The following EXT1 variants were observed in gnomAD, a reference collection of about 807,000 sequenced individuals.
EXT1 encodes exostosin glycosyltransferase 1.
Under a neutral mutation model 82.5 loss-of-function variants are expected in EXT1, and 20 were observed. That is an observed-to-expected ratio of 0.24 (90% CI 0.17 to 0.35). The LOEUF is 0.35. EXT1 is among the 10% of genes least tolerant of loss of function. The pLI, the probability that EXT1 is intolerant of heterozygous loss-of-function variation, is 1.00. For synonymous variants in EXT1, 348 were observed against 350.8 expected, an observed-to-expected ratio of 0.99 and a Z score of 0.09; for missense variants, 757 against 936.5, an observed-to-expected ratio of 0.81 and a Z score of 2.50.
chr8:118,057,671 T>TA (rs11417159), intron 1 of EXT1, among the ~76,000 whole-genome samples: 9,780 of 150,284 alleles, frequency 0.065, 801 homozygotes, highest in African/African-American at 0.19. Context: ...CTGGTCTCTT[T>TA]AAAAAAAAAA....
At chr8:117,987,500 C>G (rs1815345927) in intron 1 of EXT1, among the ~76,000 whole-genome samples, 1 of 152,226 alleles carries the variant, frequency 6.6e-6, no homozygotes, top group South Asian at 2.1e-4. Context: ...CAGCCTAGCA[C>G]AGCAGGTAAA....
At chr8:117,979,129 C>T (rs939366742) in intron 1 of EXT1, among the ~76,000 whole-genome samples, 2 of 152,028 alleles carry the variant, frequency 1.3e-5, no homozygotes, top group Non-Finnish European at 1.5e-5. Context: ...CCGAGGCAGA[C>T]AGATCATGAG....
chr8:117,869,733 G>C (rs1261483557), intron 1 of EXT1, among the ~76,000 whole-genome samples: 3 of 151,946 alleles, frequency 2.0e-5, no homozygotes, highest in Non-Finnish European at 4.4e-5. Context: ...CATTTTAATG[G>C]ATTCTACTTG....
intron 1 of EXT1, among the ~76,000 whole-genome samples, chr8:118,055,218 T>C (rs1247658200): frequency 6.6e-6 from 1 of 152,222 alleles, no homozygotes; most frequent in Non-Finnish European, 1.5e-5. Context: ...CTCCTAGAAG[T>C]CTGTATAAAT....
chr8:117,935,473 G>T (rs746061774), intron 1 of EXT1, among the ~76,000 whole-genome samples: 1 of 151,786 alleles, frequency 6.6e-6, no homozygotes, highest in South Asian at 2.1e-4. Flanking sequence ...GCACCAACAC[G>T]CCTGGTACAC....
intron 10 of EXT1, among the ~76,000 whole-genome samples, chr8:117,802,721 C>T (rs1823186345): frequency 6.6e-6 from 1 of 152,122 alleles, no homozygotes; most frequent in Non-Finnish European, 1.5e-5. Context: ...ATAGACAATA[C>T]ATCTTGCTTG....
At chr8:117,922,016 A>G (rs1813866355) in intron 1 of EXT1, among the ~76,000 whole-genome samples, 1 of 152,058 alleles carries the variant, frequency 6.6e-6, no homozygotes, top group Non-Finnish European at 1.5e-5. Flanking sequence ...TTACAGCTTT[A>G]AAAGTTTCAC....
chr8:118,069,889 T>C (rs1163603709), intron 1 of EXT1, among the ~76,000 whole-genome samples: 1 of 152,202 alleles, frequency 6.6e-6, no homozygotes, highest in African/African-American at 2.4e-5. Flanking sequence ...ATCCAGGCCA[T>C]AAGAATTTCA....
intron 1 of EXT1, among the ~76,000 whole-genome samples, chr8:117,960,756 C>T (rs1196270562): frequency 3.3e-5 from 5 of 152,162 alleles, no homozygotes; most frequent in African/African-American, 1.2e-4. Context: ...ACGGAGCCAA[C>T]AAAGGATGTT....
Position 118,111,112 on chromosome 8 carries a change from C to G in EXT1, c.-66G>C. 6.5e-7 allele frequency: 1 copy of G among 1,535,972 alleles called. No individual in the cohort carries two copies. The highest frequency in any genetic ancestry group is 8.7e-7 in the Non-Finnish European group (1 of 1,146,636). ...AATCACCCAAGTTTCCCAATCAACA[C>G]TTTCAGCTCCAGTCCGCCATCTTCC... On this transcript the variant is annotated 5_prime_UTR_variant, in exon 1 of 11. Coordinates refer to ENST00000378204, the MANE Select transcript of EXT1 (RefSeq NM_000127.3).
At chr8:117,929,056 G>T (rs1814002571) in intron 1 of EXT1, among the ~76,000 whole-genome samples, 1 of 152,112 alleles carries the variant, frequency 6.6e-6, no homozygotes, top group Non-Finnish European at 1.5e-5. Context: ...TTCTTCAATT[G>T]GGGTGATAAT....
chr8:117,801,689 A>G (rs774782300), intron 10 of EXT1, among the ~76,000 whole-genome samples: 13 of 152,134 alleles, frequency 8.5e-5, no homozygotes, highest in Non-Finnish European at 1.5e-4. Context: ...TATTTTTAGT[A>G]GAGATGGGGT....
chr8:117,959,483 A>G (rs1814655259), intron 1 of EXT1, among the ~76,000 whole-genome samples: 1 of 152,222 alleles, frequency 6.6e-6, no homozygotes, highest in Non-Finnish European at 1.5e-5. Flanking sequence ...AAGGAAGAGG[A>G]CAATGTAACT....
chr8:117,903,579 G>T (rs1813489141), intron 1 of EXT1, among the ~76,000 whole-genome samples: 1 of 152,166 alleles, frequency 6.6e-6, no homozygotes. Flanking sequence ...GAATTAATAT[G>T]GCATTCCAGA....
At chr8:117,920,466 G>A (rs1813835027) in intron 1 of EXT1, among the ~76,000 whole-genome samples, 1 of 152,078 alleles carries the variant, frequency 6.6e-6, no homozygotes, top group Non-Finnish European at 1.5e-5. Context: ...TTACCAATAA[G>A]TAAAACATTC....
At chr8:117,885,494 C>A (rs1030690917) in intron 1 of EXT1, among the ~76,000 whole-genome samples, 1,049 of 102,710 alleles carry the variant, frequency 0.01, no homozygotes, top group Middle Eastern at 0.022. Flanking sequence ...AAGTAACAGA[C>A]AAAAAAAAAA....
At chr8:118,054,744 C>T (rs990443793) in intron 1 of EXT1, among the ~76,000 whole-genome samples, 4 of 152,138 alleles carry the variant, frequency 2.6e-5, no homozygotes, top group Non-Finnish European at 5.9e-5. Flanking sequence ...GTCCCACTAC[C>T]AGGCACAGTT....
At chr8:117,834,078 C>T (rs1184107601) in intron 3 of EXT1, among the ~76,000 whole-genome samples, 1 of 152,132 alleles carries the variant, frequency 6.6e-6, no homozygotes, top group African/African-American at 2.4e-5. Context: ...AACTTATTCC[C>T]CCAAAAACAG....
At chr8:117,819,611 G>A (rs1811888059) in intron 6 of EXT1, 65 bp downstream of exon 6, 2 of 1,380,382 alleles carry the variant, frequency 1.4e-6, no homozygotes, top group African/African-American at 2.8e-5. Flanking sequence ...TAACAGGTAA[G>A]GAGGGCGGAG....
Sources: allele counts gnomAD v4.1 joint callset (sites outside exome capture counted in the v4.1 genomes callset), GRCh38; gene constraint gnomAD v4.1.1; transcripts MANE v1.5; gene names NCBI Gene and HGNC (gene_info 2026-07-23, HGNC 2026-07-21).